Variants in AGMO observed in about 807,000 individuals in gnomAD.
The protein encoded by AGMO is glyceryl-ether monooxygenase.
In AGMO, 75 loss-of-function variants were observed where a neutral mutation model predicts 60.2. The ratio of observed to expected loss-of-function variants is 1.25; its 90% CI spans 1.03 to 1.51. AGMO has a LOEUF of 1.51. Ranked by LOEUF, AGMO falls within the 40% of genes most tolerant of loss-of-function variation. The pLI is 0.00. For synonymous variants in AGMO, 261 were observed against 177.1 expected (o/e 1.47, Z -3.76); for missense variants, 763 against 525.5 (o/e 1.45, Z -4.42).
In AGMO at chr7:15,270,474, CTTTT is replaced by C. The variant is rs928326794; in HGVS notation, c.1264-69119_1264-69116del. Among the ~76,000 whole-genome samples, 12 of 151,052 alleles carry C rather than the reference CTTTT, an allele frequency of 7.9e-5. 1 individual carries two copies. The highest frequency in any genetic ancestry group is 7.3e-4 in the Admixed American group (11 of 15,116). On this transcript the variant is annotated intron_variant, in intron 12 of 12. Transcript: ENST00000342526. Reference sequence around the variant, plus strand: ...TGCCCAGTTTGAAACGAGGTTAATTCTTTTTGTCTTGTTGACTTGTTTGAGTTCC... The same window carrying C: ...TGCCCAGTTTGAAACGAGGTTAATTCTGTCTTGTTGACTTGTTTGAGTTCC...
chr7:15,387,127 A>G (rs968246846), intron 9 of AGMO, among the ~76,000 whole-genome samples: 51 of 152,196 alleles, frequency 3.4e-4, no homozygotes, highest in Admixed American at 3.3e-3. Flanking sequence ...CCCTACACAA[A>G]GGCAAGCGTT....
intron 3 of AGMO, among the ~76,000 whole-genome samples, chr7:15,464,724 G>C (rs1025391323): frequency 1.3e-5 from 2 of 152,182 alleles, no homozygotes; most frequent in Non-Finnish European, 2.9e-5. Flanking sequence ...TATAAACATA[G>C]TGCATTGTGT....
intron 12 of AGMO, among the ~76,000 whole-genome samples, chr7:15,278,954 T>C (rs556159501): frequency 1.3e-5 from 2 of 152,120 alleles, no homozygotes; most frequent in Non-Finnish European, 2.9e-5. Flanking sequence ...TGGTGTGTAG[T>C]CTGCCCACTC....
At chr7:15,241,459 CAAAAAAAAAAAAAAAAAA>C (rs61727790) in intron 12 of AGMO, among the ~76,000 whole-genome samples, 1 of 51,358 alleles carries the variant, frequency 1.9e-5, no homozygotes, top group African/African-American at 8.3e-5. Context: ...GACTCCGTCT[CAAAAAAAAAAAAAAAAAA>C]AAAAAAAAAA....
intron 12 of AGMO, among the ~76,000 whole-genome samples, chr7:15,335,965 T>G (rs1204885381): frequency 6.6e-6 from 1 of 152,142 alleles, no homozygotes; most frequent in Non-Finnish European, 1.5e-5. Context: ...TATATCTCCA[T>G]CATGAGAAAC....
intron 2 of AGMO, among the ~76,000 whole-genome samples, chr7:15,557,170 T>G (rs1482402304): frequency 2.0e-5 from 3 of 152,092 alleles, no homozygotes; most frequent in Non-Finnish European, 4.4e-5. Context: ...CTTCAAAGTC[T>G]GCACACAACA....
At chr7:15,553,777 T>C (rs1785047421) in intron 2 of AGMO, among the ~76,000 whole-genome samples, 1 of 152,114 alleles carries the variant, frequency 6.6e-6, no homozygotes, top group Non-Finnish European at 1.5e-5. Context: ...TTCTATTTCC[T>C]GTACAGGTGC....
At chr7:15,139,618 T>C in the AGMO span, among the ~76,000 whole-genome samples, 5 of 146,824 alleles carry the variant, frequency 3.4e-5, no homozygotes, top group Admixed American at 6.6e-5. Context: ...AGTGACATTA[T>C]AGATTTTTTT....
chr7:15,231,184 A>G (rs1025841904), intron 12 of AGMO, among the ~76,000 whole-genome samples: 1 of 152,174 alleles, frequency 6.6e-6, no homozygotes, highest in African/African-American at 2.4e-5. Context: ...ATTCCTAAAT[A>G]TATCAGTGTG....
chr7:15,331,311 C>T (rs889157461), intron 12 of AGMO, among the ~76,000 whole-genome samples: 1 of 152,124 alleles, frequency 6.6e-6, no homozygotes, highest in Admixed American at 6.5e-5. Flanking sequence ...ATTATTACGG[C>T]TTAAGCCACT....
chr7:15,204,937 C>G (rs1329472433), intron 12 of AGMO, among the ~76,000 whole-genome samples: 1 of 152,126 alleles, frequency 6.6e-6, no homozygotes, highest in African/African-American at 2.4e-5. Context: ...AAGCACTCCT[C>G]CCATCTCAGC....
intron 12 of AGMO, among the ~76,000 whole-genome samples, chr7:15,233,397 A>G (rs549457660): frequency 2.2e-4 from 33 of 152,244 alleles, no homozygotes; most frequent in African/African-American, 7.9e-4. Context: ...ATCATCCAAG[A>G]TCCAGGCAGA....
At chr7:15,129,155 A>T in the AGMO span, among the ~76,000 whole-genome samples, 2 of 152,072 alleles carry the variant, frequency 1.3e-5, no homozygotes, top group Non-Finnish European at 1.5e-5. Context: ...GACCAAGTCA[A>T]TCATCAAAGT....
chr7:15,410,023 T>C (rs566427153), intron 5 of AGMO, among the ~76,000 whole-genome samples: 1 of 151,164 alleles, frequency 6.6e-6, no homozygotes, highest in Non-Finnish European at 1.5e-5. Flanking sequence ...TAAATAGAAA[T>C]GATACTCATT....
At chr7:15,417,337 A>C (rs28546418) in intron 5 of AGMO, among the ~76,000 whole-genome samples, 12,674 of 152,120 alleles carry the variant, frequency 0.083, 865 homozygotes, top group African/African-American at 0.18. Flanking sequence ...GGAACTCAAG[A>C]CCTAGCTCAT....
intron 3 of AGMO, among the ~76,000 whole-genome samples, chr7:15,454,981 T>C (rs933475622): frequency 7.2e-5 from 11 of 152,008 alleles, no homozygotes; most frequent in African/African-American, 2.4e-4. Flanking sequence ...CTTCCATTAG[T>C]ATTTTTTAAG....
At chr7:15,534,251 C>T (rs1283145521) in intron 3 of AGMO, among the ~76,000 whole-genome samples, 2 of 151,730 alleles carry the variant, frequency 1.3e-5, no homozygotes, top group Admixed American at 1.3e-4. Context: ...GAAAGGACAA[C>T]AAAAGACATT....
At chr7:15,354,634 A>T (rs2128556144) in intron 12 of AGMO, among the ~76,000 whole-genome samples, 1 of 145,718 alleles carries the variant, frequency 6.9e-6, no homozygotes, top group South Asian at 2.2e-4. Context: ...ATATTCTAAA[A>T]ATATTCATAA....
At chr7:15,139,872 C>T in the AGMO span, among the ~76,000 whole-genome samples, 44 of 146,820 alleles carry the variant, frequency 3.0e-4, no homozygotes, top group Non-Finnish European at 4.9e-4. Context: ...TGGTGATTCA[C>T]TTTCCTGCCA....
Sources: allele counts gnomAD v4.1 joint callset (sites outside exome capture counted in the v4.1 genomes callset), GRCh38; gene constraint gnomAD v4.1.1; transcripts MANE v1.5; gene names NCBI Gene and HGNC (gene_info 2026-07-23, HGNC 2026-07-21).